The following ZFP42 variants were observed in gnomAD, a reference collection of about 807,000 sequenced individuals.
The protein encoded by ZFP42 is zinc finger protein 42 homolog.
For missense variants in ZFP42, 438 were observed against 377.1 expected, an observed-to-expected ratio of 1.16 and a Z score of -1.34; for synonymous variants, 175 against 144.6, an observed-to-expected ratio of 1.21 and a Z score of -1.51.
chr4:188,001,028 T>A (rs984351423), intron 3 of ZFP42, among the ~76,000 whole-genome samples: 5 of 152,084 alleles, frequency 3.3e-5, no homozygotes, highest in African/African-American at 1.2e-4. Flanking sequence ...AAAAATAACA[T>A]TAGTAGCATA....
intron 1 of ZFP42, among the ~76,000 whole-genome samples, chr4:187,998,088 G>C (rs530511115): frequency 7.0e-4 from 107 of 152,318 alleles, no homozygotes; most frequent in Non-Finnish European, 1.3e-3. Flanking sequence ...TGTAATCCCA[G>C]CATTTTGAGA....
Position 188,003,059 on chromosome 4 carries a change from C to A in ZFP42, c.252C>A (p.Pro84=), listed in dbSNP as rs1352834516. The A allele has an allele frequency of 6.2e-7, 1 of 1,614,128 alleles. No individual in the cohort carries two copies. The highest frequency in any genetic ancestry group is 1.7e-5 in the Admixed American group (1 of 60,022). ...ECVIRGEFSQ[P]ILEEDSLFES... is the part of the protein sequence containing the mutation. ...TCATAAGGGGTGAGTTTTCTCAACCCATCCTGGAAGAGGACTCACTTTTTG... is the reference window on the plus strand; with the variant it reads ...TCATAAGGGGTGAGTTTTCTCAACCAATCCTGGAAGAGGACTCACTTTTTG... Residue 84 remains proline (P), a synonymous_variant, in exon 4 of 4, where the codon CCC becomes CCA. Transcript: ENST00000326866.
chr4:187,997,454 C>T (rs1396755402), intron 1 of ZFP42, among the ~76,000 whole-genome samples: 2 of 151,418 alleles, frequency 1.3e-5, no homozygotes, highest in African/African-American at 4.9e-5. Flanking sequence ...GTCTCGATCT[C>T]CTGACCTCGT....
intron 3 of ZFP42, among the ~76,000 whole-genome samples, chr4:188,002,355 G>A (rs1044733130): frequency 3.3e-5 from 5 of 152,022 alleles, no homozygotes; most frequent in Non-Finnish European, 7.4e-5. Context: ...ACCTTCTAAC[G>A]TGGCATACAT....
At chr4:188,000,586 C>T (rs1733772835) in intron 3 of ZFP42, among the ~76,000 whole-genome samples, 1 of 151,918 alleles carries the variant, frequency 6.6e-6, no homozygotes, top group Non-Finnish European at 1.5e-5. Context: ...ATTGGCCAGG[C>T]TGGTCTTAAA....
chr4:187,997,007 G>C (rs72642036), intron 1 of ZFP42, among the ~76,000 whole-genome samples: 3 of 18,036 alleles, frequency 1.7e-4, no homozygotes, highest in South Asian at 5.7e-3. Context: ...AGCATGGAGC[G>C]TGGAGCGTGG....
Position 188,003,780 on chromosome 4 carries a change from A to G in ZFP42, c.*40A>G. ...GAAGCAGATTAACAGAAGAGTGATC[A>G]GTGACAAACATGCCTCATTGATTAT... On this transcript the variant is annotated 3_prime_UTR_variant, in exon 4 of 4. Coordinates refer to ENST00000326866, the MANE Select transcript of ZFP42 (RefSeq NM_174900.5). The G allele has an allele frequency of 6.5e-7, 1 of 1,540,604 alleles. No homozygotes were observed. Among genetic ancestry groups the G allele is most frequent in the African/African-American group, 1.4e-5 (1 of 72,770 alleles).
chr4:188,002,819 A>C lies in ZFP42; in HGVS notation c.12A>C (p.Gln4His), dbSNP rs1733880985. The C allele has an allele frequency of 6.2e-7, 1 of 1,613,736 alleles. No individual in the cohort carries two copies. Among genetic ancestry groups the C allele is most frequent in the Non-Finnish European group, 8.5e-7 (1 of 1,179,936 alleles). The change falls in exon 4 of 4, where the codon CAA becomes CAC. Residue 4 changes from glutamine to histidine, a missense_variant. By Grantham distance (24) the Gln-to-His change is conservative (BLOSUM62 0). Transcript: ENST00000326866. The part of the protein sequence containing the change: MSQ[Q>H]LKKRAKTRHQ... ...ACAGGCAGGAAAACATGAGCCAGCAACTGAAGAAACGGGCAAAGACAAGAC... is the reference window on the plus strand; with the variant it reads ...ACAGGCAGGAAAACATGAGCCAGCACCTGAAGAAACGGGCAAAGACAAGAC...
At position 188,004,020 on chromosome 4, in the gene ZFP42, A is replaced by C. The variant is rs1733961746; in HGVS notation, c.*280A>C. 1 of 301,498 alleles carries C rather than the reference A, an allele frequency of 3.3e-6. No homozygotes were observed. Among genetic ancestry groups the C allele is most frequent in the Middle Eastern group, 1.0e-3 (1 of 958 alleles). 18.7% of individuals were successfully genotyped at this position (301,498 alleles called of 1,614,324 possible). A position where few individuals can be genotyped will look rare whatever the true frequency, so the allele number is the denominator to read the frequency against. ...CTTCCAACAGGAAGGTCAGTGATAAATTTTCAAAAGCATAACCTTCAATAT... is the reference window on the plus strand; with the variant it reads ...CTTCCAACAGGAAGGTCAGTGATAACTTTTCAAAAGCATAACCTTCAATAT... On this transcript the variant is annotated 3_prime_UTR_variant, in exon 4 of 4. Transcript: ENST00000326866.
At chr4:188,001,393 T>A (rs1733815815) in intron 3 of ZFP42, among the ~76,000 whole-genome samples, 1 of 152,204 alleles carries the variant, frequency 6.6e-6, no homozygotes, top group South Asian at 2.1e-4. Context: ...TGCTGTTAAA[T>A]GTTTAAGGAA....
chr4:188,003,657 A>G lies in ZFP42; in HGVS notation c.850A>G (p.Arg284Gly), dbSNP rs781609188. ...RFVCPFQGCN[R>G]RFIQSNNLKA... The stretch of plus-strand genomic sequence containing the variant: ...CGTGTGTCCCTTTCAAGGCTGCAAC[A>G]GGAGGTTTATTCAGTCAAATAACCT... The change falls in exon 4 of 4, where the codon AGG becomes GGG. Residue 284 changes from arginine (R) to glycine (G), a missense_variant. Physicochemically the swap from Arg to Gly is moderately radical, Grantham distance 125. Coordinates refer to ENST00000326866, the MANE Select transcript of ZFP42 (RefSeq NM_174900.5). The G allele has an allele frequency of 1.9e-6, 3 of 1,613,724 alleles. No individual in the cohort carries two copies. The highest frequency in any genetic ancestry group is 2.7e-5 in the African/African-American group (2 of 74,942).
chr4:187,996,260 C>T (rs975615682), intron 1 of ZFP42, among the ~76,000 whole-genome samples: 2 of 152,170 alleles, frequency 1.3e-5, no homozygotes, highest in African/African-American at 4.8e-5. Flanking sequence ...CTGGAGATGG[C>T]AATACCCCCA....
chr4:187,997,165 TG>T (rs934745457), intron 1 of ZFP42, among the ~76,000 whole-genome samples: 2 of 150,250 alleles, frequency 1.3e-5, no homozygotes, highest in African/African-American at 4.9e-5. Flanking sequence ...GCCCCCTCCT[TG>T]GGGGCCTTTT....
chr4:187,998,076 C>A (rs1261211829), intron 1 of ZFP42, among the ~76,000 whole-genome samples: 2 of 152,208 alleles, frequency 1.3e-5, no homozygotes, highest in Non-Finnish European at 2.9e-5. Flanking sequence ...GTGGCTCACG[C>A]CTGTAATCCC....
At chr4:187,998,844 A>C (rs980051517) in intron 1 of ZFP42, among the ~76,000 whole-genome samples, 3 of 152,202 alleles carry the variant, frequency 2.0e-5, no homozygotes, top group African/African-American at 7.2e-5. Context: ...CCTGTCTTCG[A>C]GTGATGCATG....
chr4:188,002,902 C>A lies in ZFP42; in HGVS notation c.95C>A (p.Ser32Ter). The change falls in exon 4 of 4, where the codon TCA (serine) becomes TAA (stop). Residue 32 changes from serine (S) to a stop codon, truncating the protein, a stop_gained. Transcript: ENST00000326866. LOFTEE classifies it low-confidence loss of function (END_TRUNC). ...PSGAKPRQGK[S>*]SQDLQAEIEP... ...GGGGCTAAGCCCAGGCAAGGCAAGTCAAGCCAAGACCTGCAGGCGGAAATA... is the reference window on the plus strand; with the variant it reads ...GGGGCTAAGCCCAGGCAAGGCAAGTAAAGCCAAGACCTGCAGGCGGAAATA... The A allele has an allele frequency of 6.2e-7, 1 of 1,614,188 alleles. No homozygotes were observed. Among genetic ancestry groups the A allele is most frequent in the South Asian group, 1.1e-5 (1 of 91,074 alleles).
intron 3 of ZFP42, among the ~76,000 whole-genome samples, chr4:188,000,906 G>C (rs925081589): frequency 1.2e-4 from 18 of 152,130 alleles, no homozygotes; most frequent in Non-Finnish European, 2.4e-4. Context: ...TGAGGCAGGA[G>C]AATCACTTGA....
chr4:187,996,987 GGGAGCATGGAGCAT>G (rs1182237798), intron 1 of ZFP42, among the ~76,000 whole-genome samples: 10 of 58,912 alleles, frequency 1.7e-4, no homozygotes, highest in South Asian at 7.8e-4. Context: ...CATAGCTGTA[GGGAGCATGGAGCAT>G]GGAGCGTGGA....
At chr4:187,996,396 C>T (rs569536921) in intron 1 of ZFP42, among the ~76,000 whole-genome samples, 4 of 152,158 alleles carry the variant, frequency 2.6e-5, no homozygotes, top group South Asian at 4.1e-4. Flanking sequence ...CTGCAACCTC[C>T]GTCTCCCGGG....
Sources: gnomAD v4.1 joint callset for allele counts (sites outside exome capture counted in the v4.1 genomes callset) on GRCh38, gnomAD v4.1.1 for gene constraint, MANE v1.5 for transcripts, NCBI Gene and HGNC (gene_info 2026-07-23, HGNC 2026-07-21) for gene names.